Variants in OGN observed in about 807,000 individuals in gnomAD.
OGN encodes mimecan.
In OGN, 19 loss-of-function variants were observed where a neutral mutation model predicts 30.8. That is an observed-to-expected ratio of 0.62 (90% confidence interval 0.43 to 0.90). OGN has a LOEUF of 0.90. OGN is among the 40% of genes least tolerant of loss of function. The pLI is 0.00. For missense variants in OGN, 283 were observed against 349.7 expected (o/e 0.81, Z 1.52); for synonymous variants, 126 against 128.3 (o/e 0.98, Z 0.12).
At chr9:92,403,824 T>C (rs889121131) in intron 1 of OGN, 1 of 326,088 alleles carries the variant, frequency 3.1e-6, no homozygotes, top group African/African-American at 2.2e-5. Context: ...GTTAAAAATA[T>C]CATATTTCCA....
rs1218757925 is a variant in OGN, at chr9:92,384,611, C to T, written c.*1009G>A. 6.6e-6 allele frequency: 1 copy of T among 152,096 alleles called. No individual in the cohort carries two copies. The highest frequency in any genetic ancestry group is 2.4e-5 in the African/African-American group (1 of 41,434). The allele number at this position is 152,096 out of a possible 1,614,324, so 9.4% of individuals were successfully genotyped here. On this transcript the variant is annotated 3_prime_UTR_variant, in exon 7 of 7. Transcript: ENST00000375561. ...CTTGCAGTTAGCCATGTCAGTTTAT[C>T]ATGAGTAATCAGAAAGTGTTACTCA...
In OGN at chr9:92,398,245, T is replaced by C. The variant is rs374347020; in HGVS notation, c.268+2847A>G. 1.2e-4 allele frequency among the ~76,000 whole-genome samples: 18 copies of C among 152,378 alleles called. 1 individual carries two copies. Among genetic ancestry groups the C allele is most frequent in the East Asian group, 9.6e-4 (5 of 5,194 alleles). ...TTTCTTCCTTTGCTGAGTTATTAAT[T>C]TGAAGCACAATCAAGTTTATGTTTT... On this transcript the variant is annotated intron_variant, in intron 3 of 6. Transcript: ENST00000375561.
intron 3 of OGN, among the ~76,000 whole-genome samples, chr9:92,396,568 A>T (rs1564297714): frequency 6.9e-6 from 1 of 144,200 alleles, no homozygotes; most frequent in African/African-American, 2.6e-5. Flanking sequence ...ACATACCTTT[A>T]TTTTTTTTTT....
At chr9:92,388,970 T>A (rs1377473837) in intron 5 of OGN, among the ~76,000 whole-genome samples, 3 of 152,154 alleles carry the variant, frequency 2.0e-5, no homozygotes, top group Non-Finnish European at 4.4e-5. Context: ...AAAGATACCT[T>A]AATTGTAATG....
In OGN at chr9:92,385,537, C is replaced by T; in HGVS notation, c.*83G>A. ...AATGAGATACAAGGTTAATATTAAA[C>T]CAATACTTAAGTTCCTTTACTCATT... On this transcript the variant is annotated 3_prime_UTR_variant, in exon 7 of 7. Transcript: ENST00000375561. 2 of 1,192,292 alleles carry T rather than the reference C, an allele frequency of 1.7e-6. No homozygotes were observed. Among genetic ancestry groups the T allele is most frequent in the Non-Finnish European group, 2.4e-6 (2 of 834,262 alleles). The allele number at this position is 1,192,292 out of a possible 1,614,324, so 73.9% of individuals were successfully genotyped here. A position where few individuals can be genotyped will look rare whatever the true frequency, so the allele number is the denominator to read the frequency against.
intron 3 of OGN, among the ~76,000 whole-genome samples, chr9:92,400,029 T>TA (rs1564299965): frequency 6.6e-6 from 1 of 152,218 alleles, no homozygotes; most frequent in South Asian, 2.1e-4. Context: ...TCCAGCTTTA[T>TA]AAAAAAATTT....
intron 3 of OGN, among the ~76,000 whole-genome samples, chr9:92,393,768 T>G (rs1030627068): frequency 6.6e-6 from 1 of 152,178 alleles, no homozygotes; most frequent in African/African-American, 2.4e-5. Context: ...CCTTTTCCTG[T>G]TTTTGAAAAG....
chr9:92,403,334 T>G lies in OGN; in HGVS notation c.74A>C (p.Gln25Pro). The change falls in exon 2 of 7, where the codon CAG becomes CCG. Residue 25 changes from glutamine (Q) to proline (P), a missense_variant. By Grantham distance (76) the Gln-to-Pro change is moderately conservative. Coordinates refer to ENST00000375561, the MANE Select transcript of OGN (RefSeq NM_014057.5). ...ATAATCATAGATAATGCGTGAGTCC[T>G]GCTGGGTTGGTGGTGCTGGCTTTAT... ...PLIKPAPPTQ[Q>P]DSRIIYDYGT... 6.2e-7 allele frequency: 1 copy of G among 1,613,642 alleles called. No homozygotes were observed. The highest frequency in any genetic ancestry group is 8.5e-7 in the Non-Finnish European group (1 of 1,179,660).
At chr9:92,390,147 G>T in intron 4 of OGN, 91 bp from the exon 5 acceptor site, 1 of 749,928 alleles carries the variant, frequency 1.3e-6, no homozygotes, top group Non-Finnish European at 2.1e-6. Flanking sequence ...GATCACTCAA[G>T]CATCTTTCAT....
intron 5 of OGN, chr9:92,389,653 T>G (rs1053019172): frequency 2.3e-6 from 1 of 435,260 alleles, no homozygotes; most frequent in African/African-American, 2.0e-5. Context: ...AAATAAAGGT[T>G]ATGTATTTTA....
rs2130903391 is a variant in OGN, at chr9:92,393,111, C to G, written c.402G>C (p.Leu134=). Residue 134 remains leucine, a synonymous_variant, in exon 4 of 7, where the codon CTG becomes CTC. Transcript: ENST00000375561. ...GTATGTCTGCAAAATCTTTGGCAGT[C>G]AGCTTTTTAATTTTGTTGAATCGTG... ...LYARFNKIKK[L]TAKDFADIPN... 1 of 1,613,490 alleles carries G rather than the reference C, an allele frequency of 6.2e-7. No homozygotes were observed. Among genetic ancestry groups the G allele is most frequent in the South Asian group, 1.1e-5 (1 of 90,874 alleles).
At chr9:92,392,850 A>G (rs1170768556) in intron 4 of OGN, among the ~76,000 whole-genome samples, 1 of 152,220 alleles carries the variant, frequency 6.6e-6, no homozygotes, top group African/African-American at 2.4e-5. Context: ...CCCATATGTT[A>G]GATGGGCTGT....
At chr9:92,397,251 C>T (rs1250755401) in intron 3 of OGN, among the ~76,000 whole-genome samples, 1 of 152,102 alleles carries the variant, frequency 6.6e-6, no homozygotes, top group Non-Finnish European at 1.5e-5. Flanking sequence ...AGCAAGATGT[C>T]CCAAACTAAC....
chr9:92,389,917 G>A lies in OGN; in HGVS notation c.567C>T (p.Leu189=), dbSNP rs1029181217. The A allele has an allele frequency of 1.2e-6, 2 of 1,613,178 alleles. No individual in the cohort carries two copies. The highest frequency in any genetic ancestry group is 1.7e-6 in the Non-Finnish European group (2 of 1,179,580). Residue 189 remains leucine, a synonymous_variant, in exon 5 of 7, where the codon CTC becomes CTT. Coordinates refer to ENST00000375561, the MANE Select transcript of OGN (RefSeq NM_014057.5). ...LLKLPVLPPK[L]TLFNAKYNKI... is the part of the protein sequence containing the mutation. ...TGTTGTATTTTGCATTAAATAAAGT[G>A]AGCTTGGGAGGAAGAACTGGAAGTT...
At chr9:92,396,988 C>A (rs1319962556) in intron 3 of OGN, among the ~76,000 whole-genome samples, 1 of 151,606 alleles carries the variant, frequency 6.6e-6, no homozygotes, top group Non-Finnish European at 1.5e-5. Context: ...CCAACCTGGG[C>A]AACATGATGA....
intron 2 of OGN, among the ~76,000 whole-genome samples, chr9:92,402,687 A>G (rs549167905): frequency 1.3e-5 from 2 of 152,326 alleles, no homozygotes; most frequent in East Asian, 3.9e-4. Flanking sequence ...AACTGTTAAA[A>G]TTGATTTAAA....
intron 3 of OGN, among the ~76,000 whole-genome samples, chr9:92,396,843 A>C (rs923580540): frequency 3.3e-5 from 5 of 152,074 alleles, no homozygotes; most frequent in African/African-American, 1.2e-4. Context: ...AACATCTTTT[A>C]TATCTATTTC....
chr9:92,402,771 A>C (rs556734441), intron 2 of OGN, among the ~76,000 whole-genome samples: 1 of 152,346 alleles, frequency 6.6e-6, no homozygotes. Flanking sequence ...TTATTGTGGA[A>C]TGCTATTGAT....
chr9:92,398,528 T>C (rs1228182471), intron 3 of OGN, among the ~76,000 whole-genome samples: 2 of 152,146 alleles, frequency 1.3e-5, no homozygotes, highest in African/African-American at 4.8e-5. Context: ...ATATTATAGA[T>C]ATTCTTTTGC....
Sources: gnomAD v4.1 joint callset for allele counts (sites outside exome capture counted in the v4.1 genomes callset) on GRCh38, gnomAD v4.1.1 for gene constraint, MANE v1.5 for transcripts, NCBI Gene and HGNC (gene_info 2026-07-23, HGNC 2026-07-21) for gene names.